CSMD2: variants seen among roughly 807,000 people sequenced by gnomAD.
CSMD2 encodes the protein CUB and Sushi multiple domains 2, also known as CUB and sushi domain-containing protein 2.
CSMD2 carries 130 observed loss-of-function variants against 398.5 expected under a neutral mutation model. The ratio of observed to expected loss-of-function variants is 0.33; its 90% CI spans 0.28 to 0.38. CSMD2 has a LOEUF of 0.38. Ranked by LOEUF, CSMD2 falls within the 10% of genes least tolerant of loss-of-function variation. CSMD2 has a pLI of 1.00. For missense variants in CSMD2, 3,829 were observed against 4,764.9 expected (o/e 0.80, Z 5.78); for synonymous variants, 1,828 against 1,908.5 (o/e 0.96, Z 1.10).
At chr1:33,712,838 A>G (rs1045335116) in intron 21 of CSMD2, among the ~76,000 whole-genome samples, 11 of 152,164 alleles carry the variant, frequency 7.2e-5, no homozygotes, top group African/African-American at 2.4e-4. Context: ...GTGTGTGGCC[A>G]GATCAGGGTG....
chr1:33,745,390 T>C (rs1319787978), intron 13 of CSMD2, among the ~76,000 whole-genome samples: 1 of 152,232 alleles, frequency 6.6e-6, no homozygotes, highest in Non-Finnish European at 1.5e-5. Context: ...GTTCCAAATA[T>C]GGATAAACAT....
chr1:33,879,335 G>A (rs1383484690), intron 5 of CSMD2, among the ~76,000 whole-genome samples: 1 of 152,106 alleles, frequency 6.6e-6, no homozygotes, highest in Non-Finnish European at 1.5e-5. Context: ...CTCCACTTAA[G>A]TGTGGCCCAT....
At chr1:33,869,271 G>A (rs996638602) in intron 5 of CSMD2, 4 of 152,204 alleles carry the variant, frequency 2.6e-5, no homozygotes, top group African/African-American at 9.7e-5. Flanking sequence ...TTGCAAGAAA[G>A]AAGACACCAA....
intron 6 of CSMD2, among the ~76,000 whole-genome samples, chr1:33,832,606 C>T (rs930365799): frequency 8.5e-4 from 126 of 148,294 alleles, no homozygotes; most frequent in African/African-American, 2.9e-3. Context: ...GAAGCAAGAG[C>T]AAACATATTC....
chr1:33,831,029 G>A (rs375205294), intron 6 of CSMD2, among the ~76,000 whole-genome samples: 7 of 152,284 alleles, frequency 4.6e-5, no homozygotes, highest in Non-Finnish European at 7.3e-5. Flanking sequence ...CCAAATCTAC[G>A]TCTGATTGGT....
At chr1:33,660,728 A>G (rs1055350937) in intron 26 of CSMD2, among the ~76,000 whole-genome samples, 1 of 152,254 alleles carries the variant, frequency 6.6e-6, no homozygotes, top group Admixed American at 6.5e-5. Flanking sequence ...AGCTTGCCCA[A>G]GGAAACCCTT....
chr1:33,984,493 C>A (rs1646280669), intron 3 of CSMD2, among the ~76,000 whole-genome samples: 1 of 152,286 alleles, frequency 6.6e-6, no homozygotes, highest in South Asian at 2.1e-4. Flanking sequence ...TTTAAGAAAA[C>A]AAATCCCTCC....
At chr1:34,072,283 G>A (rs1655811181) in intron 2 of CSMD2, among the ~76,000 whole-genome samples, 1 of 152,274 alleles carries the variant, frequency 6.6e-6, no homozygotes, top group Middle Eastern at 3.4e-3. Context: ...GTGTTTATTT[G>A]GGTACCGTGT....
At chr1:33,579,926 G>A (rs568747267) in intron 48 of CSMD2, among the ~76,000 whole-genome samples, 12 of 152,096 alleles carry the variant, frequency 7.9e-5, no homozygotes, top group Admixed American at 3.3e-4. Context: ...TGATCTGCCC[G>A]CCTTGGCATC....
At chr1:34,136,559 T>C (rs913618110) in intron 1 of CSMD2, among the ~76,000 whole-genome samples, 1 of 152,204 alleles carries the variant, frequency 6.6e-6, no homozygotes, top group Non-Finnish European at 1.5e-5. Context: ...TCATGATTTT[T>C]CATTAACGGC....
chr1:33,768,270 A>AT (rs931755515), intron 13 of CSMD2, among the ~76,000 whole-genome samples: 47 of 151,998 alleles, frequency 3.1e-4, no homozygotes, highest in African/African-American at 1.0e-3. Context: ...TTAATCTGTG[A>AT]TTTTTTTCCC....
intron 2 of CSMD2, among the ~76,000 whole-genome samples, chr1:34,082,049 G>T (rs1369805387): frequency 5.9e-5 from 9 of 151,276 alleles, no homozygotes; most frequent in African/African-American, 2.2e-4. Context: ...CTTCCCGGCC[G>T]TCATCCCGTC....
At chr1:33,576,136 G>A (rs2148710027) in intron 49 of CSMD2, among the ~76,000 whole-genome samples, 1 of 152,254 alleles carries the variant, frequency 6.6e-6, no homozygotes, top group African/African-American at 2.4e-5. Flanking sequence ...CTGAGAATTT[G>A]CCTTAAGGAA....
intron 5 of CSMD2, among the ~76,000 whole-genome samples, chr1:33,859,940 CA>C (rs1238284058): frequency 6.6e-6 from 1 of 152,112 alleles, no homozygotes; most frequent in Non-Finnish European, 1.5e-5. Flanking sequence ...ACATTGCTAT[CA>C]ACTGGAAAGA....
intron 6 of CSMD2, among the ~76,000 whole-genome samples, chr1:33,827,088 C>T (rs1047581438): frequency 6.6e-6 from 1 of 152,218 alleles, no homozygotes; most frequent in African/African-American, 2.4e-5. Flanking sequence ...GTCTATCATC[C>T]TGATTCAAGT....
At chr1:33,817,401 G>C (rs547521637) in intron 9 of CSMD2, among the ~76,000 whole-genome samples, 16 of 152,296 alleles carry the variant, frequency 1.1e-4, no homozygotes, top group Non-Finnish European at 2.2e-4. Flanking sequence ...AGGCGGGGAA[G>C]ATTTTGTTTT....
chr1:33,633,397 C>T lies in CSMD2; in HGVS notation c.5200+25G>A. The T allele has an allele frequency of 2.0e-6, 3 of 1,516,784 alleles. No homozygotes were observed. The highest frequency in any genetic ancestry group is 9.0e-7 in the Non-Finnish European group (1 of 1,116,432). 94.0% of individuals were successfully genotyped at this position (1,516,784 alleles called of 1,614,324 possible). A position where few individuals can be genotyped will look rare whatever the true frequency, so the allele number is the denominator to read the frequency against. On this transcript the variant is annotated intron_variant, in intron 32 of 70. Transcript: ENST00000373381. This position sits in a 1 kb window ranked among gnomAD's most constrained non-coding sequence, Gnocchi z 5.0. ...GTGATGCCCCCGGCCCACAACCATC[C>T]CCACACTGGCCGAGCCCCGGATACC... is the stretch of plus-strand genomic sequence containing the variant.
At chr1:33,580,065 C>G (rs919265512) in intron 48 of CSMD2, among the ~76,000 whole-genome samples, 1 of 151,654 alleles carries the variant, frequency 6.6e-6, no homozygotes, top group African/African-American at 2.4e-5. Flanking sequence ...TGAAAGGGAA[C>G]TGGTGTGTGA....
intron 5 of CSMD2, among the ~76,000 whole-genome samples, chr1:33,893,253 G>A (rs1642155124): frequency 6.6e-6 from 1 of 152,144 alleles, no homozygotes; most frequent in Non-Finnish European, 1.5e-5. Context: ...CTTGCTCTGT[G>A]CTACTTACCT....
Sources: allele counts gnomAD v4.1 joint callset (sites outside exome capture counted in the v4.1 genomes callset), GRCh38; gene constraint gnomAD v4.1.1; non-coding constraint Gnocchi (gnomAD v3.1); transcripts MANE v1.5; gene names NCBI Gene and HGNC (gene_info 2026-07-23, HGNC 2026-07-21).